HDHD2: variants seen among roughly 807,000 people sequenced by gnomAD.
HDHD2 encodes haloacid dehalogenase-like hydrolase domain-containing protein 2.
In HDHD2, 26 loss-of-function variants were observed where a neutral mutation model predicts 24.8. That is an observed-to-expected ratio of 1.05 (90% CI 0.77 to 1.45). The LOEUF is 1.45. Ranked by LOEUF, HDHD2 falls within the 40% of genes most tolerant of loss-of-function variation. HDHD2 has a pLI of 0.00. For missense variants in HDHD2, 299 were observed against 313.4 expected, an observed-to-expected ratio of 0.95 and a Z score of 0.35; for synonymous variants, 128 against 114.9, an observed-to-expected ratio of 1.11 and a Z score of -0.73.
chr18:47,143,288 A>G (rs2063836472), intron 1 of HDHD2, among the ~76,000 whole-genome samples: 1 of 152,132 alleles, frequency 6.6e-6, no homozygotes, highest in East Asian at 1.9e-4. Context: ...CCCCATCTCT[A>G]TAAAAAATAA....
intron 4 of HDHD2, among the ~76,000 whole-genome samples, chr18:47,124,458 G>A (rs1202746982): frequency 6.6e-6 from 1 of 152,142 alleles, no homozygotes; most frequent in African/African-American, 2.4e-5. Flanking sequence ...TGTAATCCCA[G>A]CACTTTGGGA....
chr18:47,116,558 A>G (rs1247145532), intron 4 of HDHD2, among the ~76,000 whole-genome samples: 1 of 152,354 alleles, frequency 6.6e-6, no homozygotes, highest in South Asian at 2.1e-4. Flanking sequence ...CAAATTGCTC[A>G]CAGCATTGGA....
At chr18:47,130,999 G>A (rs1328591212) in intron 3 of HDHD2, among the ~76,000 whole-genome samples, 7 of 151,848 alleles carry the variant, frequency 4.6e-5, no homozygotes, top group East Asian at 1.9e-4. Context: ...TTTTTGAGAC[G>A]GAGTTTTGCT....
chr18:47,129,642 T>A (rs2063693290), intron 4 of HDHD2, among the ~76,000 whole-genome samples: 1 of 152,212 alleles, frequency 6.6e-6, no homozygotes, highest in African/African-American at 2.4e-5. Context: ...TGTGGTCAAA[T>A]GTGTCAACTC....
At chr18:47,130,706 G>T (rs1244159017) in intron 3 of HDHD2, among the ~76,000 whole-genome samples, 1 of 152,090 alleles carries the variant, frequency 6.6e-6, no homozygotes, top group Non-Finnish European at 1.5e-5. Flanking sequence ...AGTTCCCTAT[G>T]AACTATCAGA....
chr18:47,140,879 T>C (rs2063813649), intron 1 of HDHD2, among the ~76,000 whole-genome samples: 1 of 152,312 alleles, frequency 6.6e-6, no homozygotes, highest in East Asian at 1.9e-4. Context: ...TAGTTGGTAG[T>C]TATTATCTAC....
chr18:47,110,320 C>T, intron 6 of HDHD2: 1 of 985,172 alleles, frequency 1.0e-6, no homozygotes, highest in Non-Finnish European at 1.2e-6. Context: ...ATATATACCT[C>T]ACTCTCGTTA....
Position 47,112,815 on chromosome 18 carries a change from TC to T in HDHD2, c.676+161del, listed in dbSNP as rs1177248263. ...CCTAGCTTTGTACAGCACGGGCCCT[TC>T]CCAATTGTTTCCTATAATCCTAAGC... On this transcript the variant is annotated intron_variant, in intron 6 of 6. Coordinates refer to ENST00000300605, the MANE Select transcript of HDHD2 (RefSeq NM_032124.5). Among the ~76,000 whole-genome samples the T allele has an allele frequency of 3.3e-5, 5 of 152,186 alleles. 1 individual carries two copies. The highest frequency in any genetic ancestry group is 3.3e-4 in the Admixed American group (5 of 15,272).
intron 1 of HDHD2, among the ~76,000 whole-genome samples, chr18:47,145,635 T>C (rs1406504317): frequency 2.6e-5 from 4 of 152,084 alleles, no homozygotes; most frequent in Non-Finnish European, 4.4e-5. Context: ...TCCAAGGAGA[T>C]TAAACAACCA....
chr18:47,111,188 T>A (rs1365153540), intron 6 of HDHD2: 1 of 985,172 alleles, frequency 1.0e-6, no homozygotes, highest in African/African-American at 1.7e-5. Flanking sequence ...TGGACTTGAT[T>A]GTGTTACGCT....
chr18:47,147,409 G>T (rs1410180276), intron 1 of HDHD2, among the ~76,000 whole-genome samples: 1 of 152,122 alleles, frequency 6.6e-6, no homozygotes, highest in African/African-American at 2.4e-5. Flanking sequence ...AAAACAGCTT[G>T]TTCATCAAAA....
At chr18:47,137,257 TGAA>T in intron 1 of HDHD2, 1 of 561,290 alleles carries the variant, frequency 1.8e-6, no homozygotes, top group South Asian at 1.7e-5. Flanking sequence ...AAATGGAGGC[TGAA>T]GATACAATGG....
In HDHD2 at chr18:47,136,347, A is replaced by G; in HGVS notation, c.93T>C (p.Ala31=). The change falls in exon 2 of 7, where the codon GCT becomes GCC. Residue 31 remains alanine (A), a synonymous_variant. Transcript: ENST00000300605. ...EDAAVPGAQE[A]LKRLRGASVI... ...CCTGGAGGATAGCTTGCCTTTTAAG[A>G]GCTTCCTGTGCGCCTGGCACAGCTG... 6.2e-7 allele frequency: 1 copy of G among 1,613,796 alleles called. No individual in the cohort carries two copies.
At chr18:47,149,403 A>C (rs1231753973) in intron 1 of HDHD2, among the ~76,000 whole-genome samples, 1 of 152,224 alleles carries the variant, frequency 6.6e-6, no homozygotes. Flanking sequence ...GAACCACTGT[A>C]GGCATTCAAT....
chr18:47,136,406 C>A lies in HDHD2; in HGVS notation c.34G>T (p.Val12Leu), dbSNP rs2063766621. Residue 12 changes from valine (V) to leucine (L), a missense_variant, in exon 2 of 7, where the codon GTA (valine) becomes TTA (leucine). By Grantham distance (32) the Val-to-Leu change is conservative. Transcript: ENST00000300605. Reference protein sequence around the residue: ...AACRALKAVLVDLSGTLHIED... With the variant: ...AACRALKAVLLDLSGTLHIED... ...ATGTGAAGTGTGCCACTGAGATCTA[C>A]CAAAACAGCTTTTAATGCACGGCAT... is the stretch of plus-strand genomic sequence containing the variant. The A allele has an allele frequency of 6.2e-7, 1 of 1,613,060 alleles. No homozygotes were observed. The highest frequency in any genetic ancestry group is 8.5e-7 in the Non-Finnish European group (1 of 1,179,900).
At chr18:47,125,993 G>C (rs906503608) in intron 4 of HDHD2, among the ~76,000 whole-genome samples, 2 of 152,130 alleles carry the variant, frequency 1.3e-5, no homozygotes. Context: ...TACAAAATAA[G>C]AGCAGTGATT....
At chr18:47,109,318 C>T (rs1023780771) in intron 6 of HDHD2, 14 of 152,652 alleles carry the variant, frequency 9.2e-5, no homozygotes, top group African/African-American at 3.1e-4. Flanking sequence ...CAGGACAGGC[C>T]ACTTGGCATC....
At chr18:47,108,956 A>C in intron 6 of HDHD2, 171 bp from the exon 7 acceptor site, 1 of 560,696 alleles carries the variant, frequency 1.8e-6, no homozygotes, top group Non-Finnish European at 3.1e-6. Context: ...AAATGAGGCA[A>C]TTCAAAGAAA....
chr18:47,145,998 A>C (rs2063865755), intron 1 of HDHD2, among the ~76,000 whole-genome samples: 1 of 152,146 alleles, frequency 6.6e-6, no homozygotes, highest in Admixed American at 6.6e-5. Context: ...TTGGGAAGCC[A>C]AGGCGGGTGG....
Sources: gnomAD v4.1 joint callset for allele counts (sites outside exome capture counted in the v4.1 genomes callset) on GRCh38, gnomAD v4.1.1 for gene constraint, MANE v1.5 for transcripts, NCBI Gene and HGNC (gene_info 2026-07-23, HGNC 2026-07-21) for gene names.